Variants in CADM2 observed in about 807,000 individuals in gnomAD.
The protein encoded by CADM2 is cell adhesion molecule 2, also known as immunoglobulin superfamily member 4D.
A neutral mutation model predicts 49.8 loss-of-function variants in CADM2; 12 were observed. The observed-to-expected ratio is 0.24, with a 90% CI of 0.15 to 0.39. CADM2 has a LOEUF of 0.39. CADM2 is among the 10% of genes least tolerant of loss of function. CADM2 has a pLI of 1.00. For missense variants in CADM2, 378 were observed against 492.3 expected (o/e 0.77, Z 2.20); for synonymous variants, 214 against 175.4 (o/e 1.22, Z -1.74).
At chr3:85,811,200 T>C in intron 3 of CADM2, among the ~76,000 whole-genome samples, 1 of 152,220 alleles carries the variant, frequency 6.6e-6, no homozygotes. Context: ...CTTTTGATAA[T>C]ACTTTCTGCA....
chr3:85,070,431 A>G (rs986345412), intron 1 of CADM2, among the ~76,000 whole-genome samples: 2 of 152,194 alleles, frequency 1.3e-5, no homozygotes, highest in African/African-American at 4.8e-5. Context: ...GCCTGGGATT[A>G]TTTGTTTAGA....
intron 3 of CADM2, among the ~76,000 whole-genome samples, chr3:85,855,270 G>A (rs1293369229): frequency 6.6e-6 from 1 of 151,994 alleles, no homozygotes; most frequent in Non-Finnish European, 1.5e-5. Context: ...TTGTCCTTTG[G>A]TCTGTCTCCT....
At chr3:85,000,881 T>C (rs1340626815) in intron 1 of CADM2, among the ~76,000 whole-genome samples, 3 of 152,088 alleles carry the variant, frequency 2.0e-5, no homozygotes, top group Non-Finnish European at 1.5e-5. Context: ...GCCACTCTGG[T>C]GACATTATCA....
chr3:85,336,365 T>C lies in CADM2; in HGVS notation c.61+376697T>C, dbSNP rs556561293. 4.6e-5 allele frequency among the ~76,000 whole-genome samples: 7 copies of C among 151,698 alleles called. No individual in the cohort carries two copies. The South Asian group carries it at 1.4e-3, about 31-fold the overall frequency. On this transcript the variant is annotated intron_variant, in intron 1 of 9. Coordinates refer to ENST00000383699, the MANE Select transcript of CADM2 (RefSeq NM_001167675.2). ...ATAATTTTATTTGTTATAGGCCAGT[T>C]AAATTATAATTAGCAATTTTAAAAT...
At chr3:85,924,433 A>G (rs1489209114) in intron 6 of CADM2, among the ~76,000 whole-genome samples, 3 of 152,022 alleles carry the variant, frequency 2.0e-5, no homozygotes. Context: ...TCTACAAAAA[A>G]TACAAAATAA....
chr3:85,414,200 A>G (rs1208467617), intron 1 of CADM2, among the ~76,000 whole-genome samples: 1 of 152,180 alleles, frequency 6.6e-6, no homozygotes, highest in East Asian at 1.9e-4. Flanking sequence ...ATGTGTGATC[A>G]TAGCTGATCA....
chr3:85,484,832 A>AT (rs2107634197), intron 1 of CADM2, among the ~76,000 whole-genome samples: 1 of 152,072 alleles, frequency 6.6e-6, no homozygotes, highest in South Asian at 2.1e-4. Flanking sequence ...TTATCAAATC[A>AT]TTTTTATAAA....
chr3:85,285,657 C>T (rs2043616891), intron 1 of CADM2, among the ~76,000 whole-genome samples: 1 of 151,654 alleles, frequency 6.6e-6, no homozygotes, highest in Non-Finnish European at 1.5e-5. Flanking sequence ...CACAACAAAC[C>T]AAAAAGGACA....
intron 4 of CADM2, among the ~76,000 whole-genome samples, chr3:85,884,730 T>TC (rs1211277705): frequency 6.5e-4 from 96 of 147,910 alleles, no homozygotes; most frequent in African/African-American, 2.4e-3. Flanking sequence ...CTTCTTCTTT[T>TC]TTTTTTTTTT....
intron 1 of CADM2, among the ~76,000 whole-genome samples, chr3:84,986,475 T>C (rs183446642): frequency 2.0e-5 from 3 of 152,228 alleles, no homozygotes; most frequent in Admixed American, 2.0e-4. Context: ...GTAGTAGCTT[T>C]CTTCTAATTG....
chr3:85,085,721 C>T (rs549250242), intron 1 of CADM2, among the ~76,000 whole-genome samples: 1 of 152,218 alleles, frequency 6.6e-6, no homozygotes, highest in East Asian at 1.9e-4. Flanking sequence ...GTGTGATTGT[C>T]TTTAAACACA....
At chr3:85,295,078 T>A (rs1445380977) in intron 1 of CADM2, among the ~76,000 whole-genome samples, 1 of 151,906 alleles carries the variant, frequency 6.6e-6, no homozygotes, top group East Asian at 1.9e-4. Context: ...TACAATGAAC[T>A]CAAACAAATT....
Position 84,974,965 on chromosome 3 carries a change from T to C in CADM2, c.61+15297T>C, listed in dbSNP as rs533718822. ...GATTTAGTGTAAAATGCTGCAAATATGTGATCTCAAGAAAAAGCATTTATT... is the reference window on the plus strand; with the variant it reads ...GATTTAGTGTAAAATGCTGCAAATACGTGATCTCAAGAAAAAGCATTTATT... On this transcript the variant is annotated intron_variant, in intron 1 of 9. Coordinates refer to ENST00000383699, the MANE Select transcript of CADM2 (RefSeq NM_001167675.2). Among the ~76,000 whole-genome samples, 9 of 151,984 alleles carry C rather than the reference T, an allele frequency of 5.9e-5. No individual in the cohort carries two copies. In the East Asian group the frequency reaches 1.2e-3, roughly 20 times the overall value.
At chr3:85,105,346 T>C (rs2038174442) in intron 1 of CADM2, among the ~76,000 whole-genome samples, 1 of 151,974 alleles carries the variant, frequency 6.6e-6, no homozygotes, top group Admixed American at 6.6e-5. Context: ...CATGAAAAAA[T>C]GCTCACCATC....
intron 1 of CADM2, among the ~76,000 whole-genome samples, chr3:85,488,352 G>T (rs1187072462): frequency 1.3e-5 from 2 of 152,086 alleles, no homozygotes; most frequent in Non-Finnish European, 2.9e-5. Flanking sequence ...CTAGGTTACA[G>T]ATTTGATATT....
At chr3:85,783,497 G>C (rs2070782213) in intron 2 of CADM2, among the ~76,000 whole-genome samples, 1 of 152,142 alleles carries the variant, frequency 6.6e-6, no homozygotes, top group Non-Finnish European at 1.5e-5. Flanking sequence ...ACATCTGCTG[G>C]ATTCATCAGC....
intron 1 of CADM2, among the ~76,000 whole-genome samples, chr3:85,606,030 G>A (rs1255624522): frequency 6.6e-6 from 1 of 152,046 alleles, no homozygotes; most frequent in Non-Finnish European, 1.5e-5. Flanking sequence ...GGCACAATTG[G>A]ATATTTGACT....
chr3:85,383,537 T>TATATATAG (rs1464540835), intron 1 of CADM2, among the ~76,000 whole-genome samples: 1 of 145,348 alleles, frequency 6.9e-6, no homozygotes. Context: ...TATATATATA[T>TATATATAG]ACATATATAT....
intron 1 of CADM2, among the ~76,000 whole-genome samples, chr3:85,064,305 T>C (rs1005447661): frequency 1.3e-5 from 2 of 152,106 alleles, no homozygotes; most frequent in African/African-American, 4.8e-5. Flanking sequence ...TTGGAACACA[T>C]ATTCTAAAAC....
Sources: allele counts gnomAD v4.1 joint callset (sites outside exome capture counted in the v4.1 genomes callset), GRCh38; gene constraint gnomAD v4.1.1; transcripts MANE v1.5; gene names NCBI Gene and HGNC (gene_info 2026-07-23, HGNC 2026-07-21).